C18orf63: variants seen among roughly 807,000 people sequenced by gnomAD.
C18orf63 encodes chromosome 18 open reading frame 63, also known as uncharacterized protein C18orf63.
A neutral mutation model predicts 75.3 loss-of-function variants in C18orf63; 50 were observed. That is an observed-to-expected ratio of 0.66 (90% confidence interval 0.53 to 0.84). The LOEUF is 0.84. Ranked by LOEUF, C18orf63 falls within the 40% of genes least tolerant of loss-of-function variation. The pLI is 0.00. For missense variants in C18orf63, 732 were observed against 800.2 expected (o/e 0.91, Z 1.03); for synonymous variants, 232 against 267.6 (o/e 0.87, Z 1.30).
Position 74,353,740 on chromosome 18 carries a change from T to C in C18orf63, c.1473T>C (p.Tyr491=), listed in dbSNP as rs1009380292. ...LNLGPAIKNR[Y]SSNIQMQAAN... ...TAGGTCCAGCTATAAAAAACCGTTA[T>C]AGTAGTAACATTCAGATGCAGGCTG... The change falls in exon 12 of 14, where the codon TAT becomes TAC. Residue 491 remains tyrosine (Y), a synonymous_variant. Coordinates refer to ENST00000579455, the MANE Select transcript of C18orf63 (RefSeq NM_001174123.2). 1.4e-5 allele frequency: 22 copies of C among 1,535,966 alleles called. No individual in the cohort carries two copies. In the African/African-American group the frequency reaches 1.9e-4, roughly 13 times the overall value.
chr18:74,338,682 T>C, intron 7 of C18orf63, 33 bp from the exon 8 acceptor site: 1 of 935,028 alleles, frequency 1.1e-6, no homozygotes, highest in Non-Finnish European at 1.5e-6. Flanking sequence ...GCCAAATGAT[T>C]TGAGGACTTA....
At chr18:74,335,161 T>C (rs933596190) in intron 7 of C18orf63, among the ~76,000 whole-genome samples, 2 of 152,174 alleles carry the variant, frequency 1.3e-5, no homozygotes, top group African/African-American at 2.4e-5. Flanking sequence ...CCTACTCTAG[T>C]GCCTGTCACT....
chr18:74,348,971 G>T (rs1437616578), intron 11 of C18orf63, among the ~76,000 whole-genome samples: 1 of 152,172 alleles, frequency 6.6e-6, no homozygotes, highest in Admixed American at 6.5e-5. Flanking sequence ...GACAGCTGAA[G>T]AAGAAACAGT....
intron 4 of C18orf63, among the ~76,000 whole-genome samples, chr18:74,327,257 T>C (rs1984224473): frequency 6.6e-6 from 1 of 152,052 alleles, no homozygotes; most frequent in Non-Finnish European, 1.5e-5. Context: ...GGTAGTCACC[T>C]CAGCACCTAG....
At position 74,354,439 on chromosome 18, in the gene C18orf63, T is replaced by G. The variant is rs923959436; in HGVS notation, c.2002-18T>G. ...TGCAGTTAATTTGTAACAAATGTGA[T>G]TCTTCAATCTAATACAGATACTTGA... On this transcript the variant is annotated intron_variant, in intron 12 of 13. Coordinates refer to ENST00000579455, the MANE Select transcript of C18orf63 (RefSeq NM_001174123.2). The G allele has an allele frequency of 1.6e-5, 23 of 1,402,458 alleles. No individual in the cohort carries two copies. In the African/African-American group the frequency reaches 3.2e-4, roughly 19 times the overall value. 86.9% of individuals were successfully genotyped at this position (1,402,458 alleles called of 1,614,324 possible).
chr18:74,319,122 C>T (rs1984076867), intron 2 of C18orf63, among the ~76,000 whole-genome samples: 2 of 152,156 alleles, frequency 1.3e-5, no homozygotes, highest in Admixed American at 1.3e-4. Flanking sequence ...CTGTTAAGGA[C>T]TTAATCTGTG....
Position 74,320,556 on chromosome 18 carries a change from T to C in C18orf63, c.178T>C (p.Ser60Pro). ...LHQDILTSPV[S>P]GILNQIWVVM... ...TCAAGATATTCTTACATCACCTGTG[T>C]CTGGAATATTAAACCAAATCTGGGT... Residue 60 changes from serine (S) to proline (P), a missense_variant, in exon 3 of 14, where the codon TCT (serine) becomes CCT (proline). Transcript: ENST00000579455. The C allele has an allele frequency of 6.5e-7, 1 of 1,534,648 alleles. No homozygotes were observed. Among genetic ancestry groups the C allele is most frequent in the Non-Finnish European group, 8.7e-7 (1 of 1,146,044 alleles).
intron 4 of C18orf63, among the ~76,000 whole-genome samples, chr18:74,323,920 G>A (rs1252393474): frequency 1.3e-5 from 2 of 152,202 alleles, no homozygotes; most frequent in South Asian, 2.1e-4. Context: ...GTCCCAGGCT[G>A]AGTAAGTGTG....
In C18orf63 at chr18:74,329,060, T is replaced by C. The variant is rs998058879; in HGVS notation, c.424+24T>C. 5.1e-6 allele frequency: 7 copies of C among 1,385,748 alleles called. No homozygotes were observed. The African/African-American group carries it at 7.1e-5, about 14-fold the overall frequency. 85.8% of individuals were successfully genotyped at this position (1,385,748 alleles called of 1,614,324 possible). On this transcript the variant is annotated intron_variant, in intron 6 of 13. Coordinates refer to ENST00000579455, the MANE Select transcript of C18orf63 (RefSeq NM_001174123.2). ...TGGTAAGTAAAAATGCATAAGTCAA[T>C]AGATAAAACAATATAATTCATAGTT...
chr18:74,339,763 A>C (rs1984449228), intron 8 of C18orf63, among the ~76,000 whole-genome samples: 1 of 152,192 alleles, frequency 6.6e-6, no homozygotes, highest in African/African-American at 2.4e-5. Context: ...CCACAAAAAA[A>C]CTGTTAGAAC....
chr18:74,318,558 A>G (rs964572998), intron 2 of C18orf63, among the ~76,000 whole-genome samples: 7 of 152,162 alleles, frequency 4.6e-5, no homozygotes, highest in Non-Finnish European at 8.8e-5. Context: ...TGGGAGGCCA[A>G]GGTGAGCGGA....
chr18:74,355,022 A>G (rs1410965871), intron 13 of C18orf63, among the ~76,000 whole-genome samples: 3 of 152,240 alleles, frequency 2.0e-5, no homozygotes, highest in Non-Finnish European at 2.9e-5. Flanking sequence ...TGCCCAGTTC[A>G]TGGCACTGAA....
chr18:74,329,925 G>A (rs1198159716), intron 6 of C18orf63, among the ~76,000 whole-genome samples: 13 of 152,006 alleles, frequency 8.6e-5, no homozygotes, highest in Admixed American at 5.2e-4. Flanking sequence ...CACATCATTT[G>A]GGCATAGCCT....
intron 4 of C18orf63, among the ~76,000 whole-genome samples, chr18:74,324,634 GTACTT>G (rs1445321883): frequency 6.6e-6 from 1 of 152,062 alleles, no homozygotes. Context: ...ATTTTTATGT[GTACTT>G]TACAAGAAAA....
At chr18:74,335,915 C>T (rs917351372) in intron 7 of C18orf63, among the ~76,000 whole-genome samples, 14 of 152,000 alleles carry the variant, frequency 9.2e-5, no homozygotes, top group African/African-American at 3.1e-4. Context: ...ATTCTCAGAT[C>T]GGCACTTACT....
intron 4 of C18orf63, among the ~76,000 whole-genome samples, chr18:74,326,893 T>C (rs966332187): frequency 3.3e-5 from 5 of 152,168 alleles, no homozygotes; most frequent in African/African-American, 1.2e-4. Context: ...CGTGTGCCCA[T>C]GTAAGTATGT....
intron 11 of C18orf63, among the ~76,000 whole-genome samples, chr18:74,344,538 C>T (rs990763300): frequency 6.6e-6 from 1 of 152,102 alleles, no homozygotes; most frequent in Non-Finnish European, 1.5e-5. Flanking sequence ...CTAGTCATAA[C>T]TCCTTTCCTC....
chr18:74,349,460 C>A (rs1037973642), intron 11 of C18orf63, among the ~76,000 whole-genome samples: 1 of 152,126 alleles, frequency 6.6e-6, no homozygotes, highest in Non-Finnish European at 1.5e-5. Flanking sequence ...TGTTAGGAAC[C>A]AGGCCACACA....
In C18orf63 at chr18:74,338,721, G is replaced by C. The variant is rs921226308; in HGVS notation, c.508G>C (p.Glu170Gln). ...TIRLPAPELK[E>Q]FEISQSIIKD... ...ATCTTATTTCTATTAAAAGCTAAAA[G>C]AGTTTGAGATTTCCCAGAGTATTAT... Residue 170 changes from glutamate (E) to glutamine (Q), a missense_variant, in exon 8 of 14, where the codon GAG (glutamate) becomes CAG (glutamine). Physicochemically the swap from Glu to Gln is conservative, Grantham distance 29. Transcript: ENST00000579455. The C allele has an allele frequency of 1.5e-6, 2 of 1,334,564 alleles. No individual in the cohort carries two copies. Among genetic ancestry groups the C allele is most frequent in the African/African-American group, 1.5e-5 (1 of 67,382 alleles). 82.7% of individuals were successfully genotyped at this position (1,334,564 alleles called of 1,614,324 possible).
Sources: gnomAD v4.1 joint callset for allele counts (sites outside exome capture counted in the v4.1 genomes callset) on GRCh38, gnomAD v4.1.1 for gene constraint, MANE v1.5 for transcripts, NCBI Gene and HGNC (gene_info 2026-07-23, HGNC 2026-07-21) for gene names.